UTRN: variants seen among roughly 807,000 people sequenced by gnomAD.
The protein encoded by UTRN is utrophin.
UTRN carries 283 observed loss-of-function variants against 463.9 expected under a neutral mutation model. The ratio of observed to expected loss-of-function variants is 0.61; its 90% CI spans 0.55 to 0.67. The LOEUF is 0.67. Ranked by LOEUF, UTRN falls within the 30% of genes least tolerant of loss-of-function variation. The probability of loss-of-function intolerance (pLI) is 0.00; values close to 1 mark genes in which losing one functional copy is unlikely to be tolerated. For synonymous variants in UTRN, 1,442 were observed against 1,431.5 expected, an observed-to-expected ratio of 1.01 and a Z score of -0.17; for missense variants, 3,922 against 4,084.3, an observed-to-expected ratio of 0.96 and a Z score of 1.08.
chr6:144,780,600 T>C (rs945638756), intron 60 of UTRN, among the ~76,000 whole-genome samples: 2 of 152,174 alleles, frequency 1.3e-5, no homozygotes, highest in African/African-American at 2.4e-5. Flanking sequence ...GATAATCTGC[T>C]TTGTCTCTTT....
At chr6:144,395,146 G>T (rs958562111) in intron 2 of UTRN, among the ~76,000 whole-genome samples, 3 of 152,048 alleles carry the variant, frequency 2.0e-5, no homozygotes, top group African/African-American at 7.2e-5. Context: ...TTAGCCTTTT[G>T]TCAATCAATA....
intron 65 of UTRN, among the ~76,000 whole-genome samples, chr6:144,818,895 T>G (rs965263266): frequency 6.0e-5 from 9 of 151,192 alleles, no homozygotes; most frequent in East Asian, 3.9e-4. Context: ...ATCTGTTGTT[T>G]TTTTTTTTTT....
intron 42 of UTRN, among the ~76,000 whole-genome samples, chr6:144,531,676 A>G (rs1176491204): frequency 2.0e-5 from 3 of 152,214 alleles, no homozygotes; most frequent in African/African-American, 7.2e-5. Flanking sequence ...AAAATATAAC[A>G]CAAAGTTAGT....
chr6:144,809,267 G>A (rs1450680074), intron 65 of UTRN, among the ~76,000 whole-genome samples: 1 of 152,128 alleles, frequency 6.6e-6, no homozygotes, highest in East Asian at 1.9e-4. Context: ...GAGTCACACA[G>A]AGATGAGTAA....
intron 52 of UTRN, among the ~76,000 whole-genome samples, chr6:144,682,384 T>C (rs1360611543): frequency 6.6e-6 from 1 of 152,224 alleles, no homozygotes; most frequent in Non-Finnish European, 1.5e-5. Flanking sequence ...ATTTATCTGT[T>C]GATGAACACT....
At chr6:144,746,677 A>C (rs1464398986) in intron 54 of UTRN, among the ~76,000 whole-genome samples, 1 of 151,750 alleles carries the variant, frequency 6.6e-6, no homozygotes, top group Admixed American at 6.6e-5. Flanking sequence ...GGGTTTCGCC[A>C]TGTTGGCCAG....
chr6:144,731,925 G>A (rs1039147818), intron 54 of UTRN, among the ~76,000 whole-genome samples: 9 of 151,402 alleles, frequency 5.9e-5, no homozygotes, highest in African/African-American at 1.5e-4. Context: ...GTAGTGGTGC[G>A]ATCTCGGCTC....
At chr6:144,401,088 G>T (rs184864730) in intron 2 of UTRN, among the ~76,000 whole-genome samples, 3 of 152,254 alleles carry the variant, frequency 2.0e-5, no homozygotes, top group African/African-American at 7.2e-5. Context: ...AATGTAGTAA[G>T]ATTTCTCTCT....
chr6:144,725,595 C>T (rs1374067015), intron 53 of UTRN, among the ~76,000 whole-genome samples: 1 of 152,164 alleles, frequency 6.6e-6, no homozygotes, highest in Non-Finnish European at 1.5e-5. Flanking sequence ...AAGCTGAATG[C>T]CACTTTGTAG....
chr6:144,824,602 A>T (rs28679757), intron 66 of UTRN, among the ~76,000 whole-genome samples: 1 of 37,958 alleles, frequency 2.6e-5, no homozygotes, highest in Admixed American at 4.4e-4. Context: ...ATATATATAT[A>T]TATATATATA....
At chr6:144,846,697 T>A in intron 73 of UTRN, 108 bp from the exon 74 acceptor site, 1 of 1,476,884 alleles carries the variant, frequency 6.8e-7, no homozygotes, top group Non-Finnish European at 9.4e-7. Flanking sequence ...ACTGGGCTAT[T>A]ATTACCCTAT....
chr6:144,423,314 A>G (rs1021166854), intron 4 of UTRN, among the ~76,000 whole-genome samples: 8 of 152,150 alleles, frequency 5.3e-5, no homozygotes, highest in Non-Finnish European at 1.0e-4. Flanking sequence ...GCTGCCTAGG[A>G]GATTTCAACG....
intron 50 of UTRN, among the ~76,000 whole-genome samples, chr6:144,560,668 T>C (rs1799785582): frequency 6.6e-6 from 1 of 152,162 alleles, no homozygotes; most frequent in Admixed American, 6.5e-5. Flanking sequence ...TTAGCCTAAA[T>C]AATTTAGCTA....
chr6:144,467,004 C>T (rs1790025440), intron 23 of UTRN, among the ~76,000 whole-genome samples: 1 of 152,166 alleles, frequency 6.6e-6, no homozygotes, highest in Admixed American at 6.5e-5. Flanking sequence ...TCTTTCACAC[C>T]AATACCAGAG....
chr6:144,534,860 C>T (rs1797388925), intron 43 of UTRN, among the ~76,000 whole-genome samples: 1 of 152,116 alleles, frequency 6.6e-6, no homozygotes, highest in Non-Finnish European at 1.5e-5. Context: ...TAGCAATTTT[C>T]TATAAATTTC....
chr6:144,597,529 G>C (rs890176658), intron 51 of UTRN, among the ~76,000 whole-genome samples: 2 of 152,160 alleles, frequency 1.3e-5, no homozygotes, highest in African/African-American at 4.8e-5. Flanking sequence ...AGGAAAGTTG[G>C]TGTGTAACCT....
chr6:144,694,510 A>T (rs985995409), intron 52 of UTRN, among the ~76,000 whole-genome samples: 1 of 152,070 alleles, frequency 6.6e-6, no homozygotes, highest in Non-Finnish European at 1.5e-5. Context: ...CTATGAATCC[A>T]TCTGGTCCTG....
intron 6 of UTRN, among the ~76,000 whole-genome samples, chr6:144,424,849 C>G (rs1034427766): frequency 6.6e-6 from 1 of 151,992 alleles, no homozygotes; most frequent in Non-Finnish European, 1.5e-5. Context: ...AACAAGAACT[C>G]TCTTATGTAA....
rs200807137 is a variant in UTRN at position 144,292,003 on chromosome 6, T to TA, written c.79+96_79+97insA. 1.1e-3 allele frequency: 1,385 copies of TA among 1,225,964 alleles called. 45 individuals are homozygous for TA. The Admixed American group carries it at 0.036, about 32-fold the overall frequency. The allele number at this position is 1,225,964 out of a possible 1,614,324, so 75.9% of individuals were successfully genotyped here. A position where few individuals can be genotyped will look rare whatever the true frequency, so the allele number is the denominator to read the frequency against. ...TTGCATTGTTCTTGCAAGAACTTCTTGGAGGTGAAGTTCTTTTAAGAAACT... is the reference window on the plus strand; with the variant it reads ...TTGCATTGTTCTTGCAAGAACTTCTTAGGAGGTGAAGTTCTTTTAAGAAACT... On this transcript the variant is annotated intron_variant, in intron 2 of 74. Coordinates refer to ENST00000367545, the MANE Select transcript of UTRN (RefSeq NM_007124.3).
Sources: allele counts gnomAD v4.1 joint callset (sites outside exome capture counted in the v4.1 genomes callset), GRCh38; gene constraint gnomAD v4.1.1; transcripts MANE v1.5; gene names NCBI Gene and HGNC (gene_info 2026-07-23, HGNC 2026-07-21).